CHP1: variants seen among roughly 807,000 people sequenced by gnomAD.
CHP1 encodes the protein calcineurin B homologous protein 1.
CHP1 carries 11 observed loss-of-function variants against 27.4 expected under a neutral mutation model. That is an observed-to-expected ratio of 0.40 (90% CI 0.25 to 0.67). The LOEUF is 0.67. Among genes scored for constraint, CHP1 ranks in the 30% least tolerant of loss-of-function variants. The pLI, the probability that CHP1 is intolerant of heterozygous loss-of-function variation, is 0.38. For missense variants in CHP1, 169 were observed against 251.3 expected (o/e 0.67, Z 2.22); for synonymous variants, 89 against 87.4 (o/e 1.02, Z -0.10).
At chr15:41,231,794 G>A (rs1440553911) in intron 1 of CHP1, among the ~76,000 whole-genome samples, 5 of 152,130 alleles carry the variant, frequency 3.3e-5, no homozygotes, top group Admixed American at 1.3e-4. Flanking sequence ...ATCCTGAACA[G>A]TAGGTAAAGC....
intron 2 of CHP1, among the ~76,000 whole-genome samples, chr15:41,244,413 T>G (rs1393422317): frequency 2.6e-5 from 4 of 152,112 alleles, no homozygotes; most frequent in Non-Finnish European, 5.9e-5. Context: ...TGGTCTAGGT[T>G]GTTTTGTCTT....
In CHP1 at chr15:41,279,724, C is replaced by G; in HGVS notation, c.*335C>G. 7.6e-6 allele frequency: 2 copies of G among 264,134 alleles called. No individual in the cohort carries two copies. Among genetic ancestry groups the G allele is most frequent in the East Asian group, 1.5e-4 (2 of 13,146 alleles). 16.4% of individuals were successfully genotyped at this position (264,134 alleles called of 1,614,324 possible). A position where few individuals can be genotyped will look rare whatever the true frequency, so the allele number is the denominator to read the frequency against. ...TCATGCCAAGAACAAGCCAGCAAAG[C>G]TCTTTCACCAGATGTAGACTGTAGC... On this transcript the variant is annotated 3_prime_UTR_variant, in exon 7 of 7. Transcript: ENST00000334660.
At chr15:41,236,113 C>G (rs1046596692) in intron 1 of CHP1, among the ~76,000 whole-genome samples, 1 of 148,890 alleles carries the variant, frequency 6.7e-6, no homozygotes, top group Non-Finnish European at 1.5e-5. Context: ...GGGTCTCACT[C>G]TGTTGCCCAG....
chr15:41,272,988 C>T (rs562802811), intron 5 of CHP1, among the ~76,000 whole-genome samples: 30 of 151,666 alleles, frequency 2.0e-4, no homozygotes, highest in African/African-American at 3.1e-4. Flanking sequence ...ACCTAGGAGG[C>T]GGAGCTTGCA....
At position 41,280,079 on chromosome 15, in the gene CHP1, T is replaced by G. The variant is rs2047538079; in HGVS notation, c.*690T>G. ...TATGAGACCATCCTCTGCACTCTGC[T>G]CTGTCATCAAAGGCTGCTGGGTGGA... On this transcript the variant is annotated 3_prime_UTR_variant, in exon 7 of 7. Transcript: ENST00000334660. 1 of 152,294 alleles carries G rather than the reference T, an allele frequency of 6.6e-6. No individual in the cohort carries two copies. The highest frequency in any genetic ancestry group is 2.1e-4 in the South Asian group (1 of 4,836). 9.4% of individuals were successfully genotyped at this position (152,294 alleles called of 1,614,324 possible).
At chr15:41,275,746 G>A (rs905655385) in intron 5 of CHP1, among the ~76,000 whole-genome samples, 2 of 151,800 alleles carry the variant, frequency 1.3e-5, no homozygotes, top group African/African-American at 4.8e-5. Context: ...TTGTAATTTC[G>A]CTCTTGTTGC....
chr15:41,232,654 TGA>T (rs1389545032), intron 1 of CHP1, among the ~76,000 whole-genome samples: 1 of 152,224 alleles, frequency 6.6e-6, no homozygotes, highest in Non-Finnish European at 1.5e-5. Flanking sequence ...ACAATTGTAT[TGA>T]TGCATACAAT....
At chr15:41,242,541 C>T (rs28510224) in intron 1 of CHP1, among the ~76,000 whole-genome samples, 20,201 of 151,872 alleles carry the variant, frequency 0.13, 1,574 homozygotes, top group South Asian at 0.27. Context: ...ATCGCTTGAA[C>T]CCAGGAGGTG....
At chr15:41,258,927 G>T (rs887148687) in intron 3 of CHP1, among the ~76,000 whole-genome samples, 3 of 152,188 alleles carry the variant, frequency 2.0e-5, no homozygotes, top group African/African-American at 4.8e-5. Context: ...AGTTGAGAGG[G>T]TTGGGCATTC....
chr15:41,247,881 A>G (rs1456318002), intron 2 of CHP1, among the ~76,000 whole-genome samples: 1 of 151,884 alleles, frequency 6.6e-6, no homozygotes, highest in Non-Finnish European at 1.5e-5. Context: ...AGGCAGGAGA[A>G]TGGTGTGAAC....
intron 1 of CHP1, among the ~76,000 whole-genome samples, chr15:41,241,815 C>G (rs2047308481): frequency 6.6e-6 from 1 of 152,204 alleles, no homozygotes; most frequent in South Asian, 2.1e-4. Flanking sequence ...CCCAACACTA[C>G]AAGTACATTT....
intron 1 of CHP1, among the ~76,000 whole-genome samples, chr15:41,242,841 G>C (rs1220064744): frequency 6.6e-6 from 1 of 150,412 alleles, no homozygotes; most frequent in Non-Finnish European, 1.5e-5. Flanking sequence ...TACTTGGGAG[G>C]CTGAGGCAGG....
At chr15:41,241,092 C>T (rs2047304917) in intron 1 of CHP1, among the ~76,000 whole-genome samples, 1 of 152,162 alleles carries the variant, frequency 6.6e-6, no homozygotes, top group South Asian at 2.1e-4. Context: ...TCCTCAGCAT[C>T]CGCCCGCCTT....
chr15:41,269,742 A>G (rs1486125238), intron 4 of CHP1, among the ~76,000 whole-genome samples: 1 of 152,084 alleles, frequency 6.6e-6, no homozygotes, highest in Non-Finnish European at 1.5e-5. Flanking sequence ...GCAGCACTCT[A>G]TTTAAGACCC....
intron 2 of CHP1, among the ~76,000 whole-genome samples, chr15:41,249,517 G>T (rs1381135913): frequency 7.8e-6 from 1 of 127,610 alleles, no homozygotes; most frequent in East Asian, 2.3e-4. Context: ...CTGTCGTCCA[G>T]GCTGGAGTGC....
At chr15:41,233,252 A>G (rs929738069) in intron 1 of CHP1, among the ~76,000 whole-genome samples, 1 of 152,226 alleles carries the variant, frequency 6.6e-6, no homozygotes, top group Admixed American at 6.5e-5. Context: ...AAAGAGTCAC[A>G]TGGAGAAATA....
At chr15:41,275,459 C>A (rs1435268686) in intron 5 of CHP1, among the ~76,000 whole-genome samples, 1 of 152,064 alleles carries the variant, frequency 6.6e-6, no homozygotes, top group Admixed American at 6.6e-5. Context: ...CCGGCCAAAA[C>A]TTCTGATTTT....
At chr15:41,247,894 G>A (rs990352649) in intron 2 of CHP1, among the ~76,000 whole-genome samples, 3 of 151,428 alleles carry the variant, frequency 2.0e-5, no homozygotes, top group Admixed American at 6.6e-5. Context: ...GTGTGAACCC[G>A]GGAGGCGGAG....
chr15:41,242,342 A>G (rs1351522987), intron 1 of CHP1, among the ~76,000 whole-genome samples: 6 of 152,184 alleles, frequency 3.9e-5, no homozygotes, highest in Admixed American at 2.6e-4. Context: ...GATGTACCCC[A>G]ATCAAATATT....
Sources: gnomAD v4.1 joint callset for allele counts (sites outside exome capture counted in the v4.1 genomes callset) on GRCh38, gnomAD v4.1.1 for gene constraint, MANE v1.5 for transcripts, NCBI Gene and HGNC (gene_info 2026-07-23, HGNC 2026-07-21) for gene names.